The following MYRFL variants were observed in gnomAD, a reference collection of about 807,000 sequenced individuals.
The protein encoded by MYRFL is myelin regulatory factor-like protein.
Under a neutral mutation model 109.4 loss-of-function variants are expected in MYRFL, and 88 were observed. That is an observed-to-expected ratio of 0.80 (90% CI 0.68 to 0.96). MYRFL has a LOEUF of 0.96. Among genes scored for constraint, MYRFL ranks in the 40% least tolerant of loss-of-function variants. The pLI, the probability that MYRFL is intolerant of heterozygous loss-of-function variation, is 0.00. For missense variants in MYRFL, 957 were observed against 954.9 expected, an observed-to-expected ratio of 1.00 and a Z score of -0.03; for synonymous variants, 324 against 320.9, an observed-to-expected ratio of 1.01 and a Z score of -0.10.
At chr12:69,945,104 A>G (rs1955793443) in intron 19 of MYRFL, among the ~76,000 whole-genome samples, 1 of 152,184 alleles carries the variant, frequency 6.6e-6, no homozygotes, top group African/African-American at 2.4e-5. Flanking sequence ...AAGTGTTATT[A>G]CAAGAGTCAA....
intron 1 of MYRFL, among the ~76,000 whole-genome samples, chr12:69,836,833 T>C (rs1882972317): frequency 6.6e-6 from 1 of 152,162 alleles, no homozygotes; most frequent in African/African-American, 2.4e-5. Context: ...GGACCTGTCC[T>C]CCCCTTTGCT....
At chr12:69,873,251 C>T (rs1025281233) in intron 2 of MYRFL, among the ~76,000 whole-genome samples, 1 of 149,936 alleles carries the variant, frequency 6.7e-6, no homozygotes, top group Non-Finnish European at 1.5e-5. Flanking sequence ...TGAGCTAAAC[C>T]AAAAAAAAAT....
chr12:69,847,772 C>A (rs1883645024), intron 1 of MYRFL, among the ~76,000 whole-genome samples: 1 of 152,166 alleles, frequency 6.6e-6, no homozygotes, highest in Non-Finnish European at 1.5e-5. Flanking sequence ...AAGATATAGG[C>A]AATCATTAAG....
intron 2 of MYRFL, among the ~76,000 whole-genome samples, chr12:69,867,306 G>A (rs1005020830): frequency 2.6e-5 from 4 of 152,168 alleles, no homozygotes; most frequent in Non-Finnish European, 5.9e-5. Flanking sequence ...ATAAAACCCT[G>A]AAACTGCAAT....
intron 19 of MYRFL, among the ~76,000 whole-genome samples, chr12:69,938,799 G>A (rs1312009701): frequency 6.6e-6 from 1 of 152,106 alleles, no homozygotes; most frequent in Admixed American, 6.5e-5. Flanking sequence ...ATCTCACTAG[G>A]GAGTGCCAGA....
intron 13 of MYRFL, among the ~76,000 whole-genome samples, chr12:69,926,117 C>CTTTTTTTTTTTTTTTTTT (rs147973443): frequency 1.2e-5 from 1 of 84,850 alleles, no homozygotes; most frequent in Non-Finnish European, 2.2e-5. Flanking sequence ...TCTTCTTCTT[C>CTTTTTTTTTTTTTTTTTT]TTTTTTTTTT....
chr12:69,864,306 C>G (rs993828632), intron 2 of MYRFL, among the ~76,000 whole-genome samples: 1 of 152,030 alleles, frequency 6.6e-6, no homozygotes, highest in South Asian at 2.1e-4. Context: ...TGATATTTTG[C>G]ACAGGTCACT....
At chr12:69,898,151 G>T (rs1358263151) in intron 10 of MYRFL, among the ~76,000 whole-genome samples, 2 of 152,226 alleles carry the variant, frequency 1.3e-5, no homozygotes, top group Non-Finnish European at 1.5e-5. Flanking sequence ...GTTAACCTGA[G>T]GCCCTGAGGA....
intron 1 of MYRFL, 65 bp downstream of exon 1, chr12:69,825,628 C>G (rs10506571): frequency 0.12 from 85,258 of 685,476 alleles, 6,585 homozygotes; most frequent in Non-Finnish European, 0.17. Context: ...CCTGTTTCAC[C>G]TTTTCCGTAT....
At chr12:69,878,148 C>T (rs958328380) in intron 2 of MYRFL, among the ~76,000 whole-genome samples, 5 of 147,462 alleles carry the variant, frequency 3.4e-5, no homozygotes, top group Non-Finnish European at 7.4e-5. Context: ...GAGGCTGAGT[C>T]AGGATAATCA....
chr12:69,887,090 A>C (rs1886503484), intron 6 of MYRFL, 120 bp downstream of exon 6: 1 of 1,065,288 alleles, frequency 9.4e-7, no homozygotes, highest in Non-Finnish European at 1.3e-6. Context: ...TCAGTGAGAA[A>C]GTGTCTGTCT....
intron 13 of MYRFL, among the ~76,000 whole-genome samples, chr12:69,912,283 T>G (rs539368928): frequency 6.6e-6 from 1 of 152,354 alleles, no homozygotes; most frequent in South Asian, 2.1e-4. Context: ...TATATTTATT[T>G]CCCAGGTTTT....
At chr12:69,922,189 C>T (rs1369221965) in intron 13 of MYRFL, among the ~76,000 whole-genome samples, 4 of 152,010 alleles carry the variant, frequency 2.6e-5, no homozygotes, top group Non-Finnish European at 5.9e-5. Context: ...TGGTGGACAT[C>T]AGCTGACCAT....
At chr12:69,877,980 C>T (rs536484489) in intron 2 of MYRFL, among the ~76,000 whole-genome samples, 32 of 152,252 alleles carry the variant, frequency 2.1e-4, no homozygotes, top group African/African-American at 6.0e-4. Context: ...CCATGGCTCA[C>T]GCCTGTAATC....
At chr12:69,894,646 C>T in intron 8 of MYRFL, among the ~76,000 whole-genome samples, 1 of 152,194 alleles carries the variant, frequency 6.6e-6, no homozygotes, top group East Asian at 1.9e-4. Context: ...GTATAGAAAG[C>T]ATATATAGCT....
At chr12:69,846,761 A>C (rs1272133540) in intron 1 of MYRFL, among the ~76,000 whole-genome samples, 2 of 151,914 alleles carry the variant, frequency 1.3e-5, no homozygotes, top group South Asian at 2.1e-4. Context: ...TAGATCCCTG[A>C]GGAATCGCCA....
At chr12:69,891,672 TC>T (rs1241744031) in intron 7 of MYRFL, among the ~76,000 whole-genome samples, 3,027 of 114,664 alleles carry the variant, frequency 0.026, 235 homozygotes, top group African/African-American at 0.064. Context: ...TTTCTTTCTT[TC>T]TTTCTTTCTT....
rs1473516804 is a variant in MYRFL, at chr12:69,891,068, A to G, written c.805A>G (p.Thr269Ala). 1 of 1,535,234 alleles carries G rather than the reference A, an allele frequency of 6.5e-7. No homozygotes were observed. Among genetic ancestry groups the G allele is most frequent in the South Asian group, 1.2e-5 (1 of 83,818 alleles). ...CCAAAAGAAGAATCATTTCCAGATA[A>G]CCATTCACATCCAAGTTTGGGGAAG... Reference protein sequence around the residue: ...VCQKKNHFQITIHIQVWGSPK... With the variant: ...VCQKKNHFQIAIHIQVWGSPK... Residue 269 changes from threonine (T) to alanine (A), a missense_variant, in exon 7 of 25, where the codon ACC (threonine) becomes GCC (alanine). Transcript: ENST00000552032.
intron 1 of MYRFL, among the ~76,000 whole-genome samples, chr12:69,839,772 A>G (rs1378819817): frequency 6.6e-6 from 1 of 152,216 alleles, no homozygotes; most frequent in East Asian, 1.9e-4. Flanking sequence ...ACCAAGTATT[A>G]TCAATCTTCT....
Sources: gnomAD v4.1 joint callset for allele counts (sites outside exome capture counted in the v4.1 genomes callset) on GRCh38, gnomAD v4.1.1 for gene constraint, MANE v1.5 for transcripts, NCBI Gene and HGNC (gene_info 2026-07-23, HGNC 2026-07-21) for gene names.